The following ARFGEF1 variants were observed in gnomAD, a reference collection of about 807,000 sequenced individuals.
The protein encoded by ARFGEF1 is brefeldin A-inhibited guanine nucleotide-exchange protein 1.
ARFGEF1 carries 42 observed loss-of-function variants against 231.0 expected under a neutral mutation model. That is an observed-to-expected ratio of 0.18 (90% confidence interval 0.14 to 0.24). The LOEUF (loss-of-function observed/expected upper bound fraction) is 0.24, where lower values mean the gene tolerates loss of function less well. Ranked by LOEUF, ARFGEF1 falls within the 10% of genes least tolerant of loss-of-function variation. ARFGEF1 has a pLI of 1.00. For missense variants in ARFGEF1, 1,345 were observed against 2,192.0 expected (o/e 0.61, Z 7.72); for synonymous variants, 710 against 732.3 (o/e 0.97, Z 0.49).
chr8:67,339,805 G>GGGGGGGGGGGGGGC (rs79194289), intron 1 of ARFGEF1, among the ~76,000 whole-genome samples: 1 of 92,686 alleles, frequency 1.1e-5, no homozygotes, highest in African/African-American at 4.0e-5. Context: ...CGGGGGGGGG[G>GGGGGGGGGGGGGGC]ATTCTTTCTT....
downstream of ARFGEF1, chr8:67,195,632 GAAAGGAAT>G: frequency 6.4e-7 from 1 of 1,558,000 alleles, no homozygotes; most frequent in Non-Finnish European, 8.8e-7. Context: ...CTTTTAAGGT[GAAAGGAAT>G]GGTAAATCTG....
intron 19 of ARFGEF1, among the ~76,000 whole-genome samples, chr8:67,247,165 T>C (rs1186027756): frequency 2.0e-5 from 3 of 150,062 alleles, no homozygotes; most frequent in Non-Finnish European, 4.4e-5. Flanking sequence ...CTACCAAACA[T>C]GTAAAGAACT....
chr8:67,339,331 CTTA>C (rs532919054), intron 1 of ARFGEF1, among the ~76,000 whole-genome samples: 162 of 152,258 alleles, frequency 1.1e-3, no homozygotes, highest in African/African-American at 3.6e-3. Context: ...CTTTTTCACT[CTTA>C]TTGTGTATCA....
chr8:67,316,350 G>GAATTTATAAC (rs1399522951), intron 1 of ARFGEF1, among the ~76,000 whole-genome samples: 1 of 152,092 alleles, frequency 6.6e-6, no homozygotes. Flanking sequence ...GTTTATAAAA[G>GAATTTATAAC]AATTTATAAC....
At chr8:67,201,144 G>A (rs773401822) in intron 37 of ARFGEF1, among the ~76,000 whole-genome samples, 1 of 152,186 alleles carries the variant, frequency 6.6e-6, no homozygotes, top group Non-Finnish European at 1.5e-5. Flanking sequence ...CGAAGTAAAT[G>A]CAGGCAGGCA....
intron 14 of ARFGEF1, 87 bp from the exon 15 acceptor site, chr8:67,260,013 G>C: frequency 1.3e-6 from 1 of 778,474 alleles, no homozygotes; most frequent in Non-Finnish European, 2.1e-6. Flanking sequence ...TTTTCTAATA[G>C]CACCCAGAAA....
Position 67,343,343 on chromosome 8 carries a change from G to GGGA in ARFGEF1, c.-59_-57dup, listed in dbSNP as rs1393703386. The GGGA allele has an allele frequency of 4.4e-6, 7 of 1,601,236 alleles. No homozygotes were observed. In the Admixed American group the frequency reaches 8.4e-5, roughly 19 times the overall value. The stretch of plus-strand genomic sequence containing the variant: ...GACCCGCGGCTCCCAGCGGCTGGAG[G>GGGA]GGAGGAGGAGGAGAGGAAGGAAGAG... On this transcript the variant is annotated 5_prime_UTR_variant, in exon 1 of 39. Transcript: ENST00000262215.
intron 23 of ARFGEF1, 144 bp from the exon 24 acceptor site, chr8:67,228,408 T>G: frequency 1.4e-6 from 1 of 702,468 alleles, no homozygotes; most frequent in Non-Finnish European, 2.3e-6. Flanking sequence ...TTTCATCATT[T>G]AGTTTAGTAA....
intron 20 of ARFGEF1, among the ~76,000 whole-genome samples, chr8:67,239,958 G>A (rs556048284): frequency 3.9e-5 from 6 of 152,258 alleles, no homozygotes; most frequent in Admixed American, 6.5e-5. Flanking sequence ...AAGTTATAAT[G>A]ATAAACTTAG....
At chr8:67,235,619 C>G (rs575572514) in intron 22 of ARFGEF1, among the ~76,000 whole-genome samples, 1 of 151,884 alleles carries the variant, frequency 6.6e-6, no homozygotes, top group Non-Finnish European at 1.5e-5. Context: ...ACCTGAAGCC[C>G]GGAGTTTGAA....
At chr8:67,221,553 T>C (rs1343570386) in intron 29 of ARFGEF1, among the ~76,000 whole-genome samples, 2 of 152,136 alleles carry the variant, frequency 1.3e-5, no homozygotes, top group Admixed American at 6.5e-5. Flanking sequence ...AGCTGTACAA[T>C]GTGTTTTAAG....
intron 1 of ARFGEF1, among the ~76,000 whole-genome samples, chr8:67,325,238 T>A (rs966555010): frequency 6.6e-6 from 1 of 151,538 alleles, no homozygotes; most frequent in African/African-American, 2.4e-5. Context: ...TTTTTTTTTT[T>A]AACAGAAAAT....
At chr8:67,203,941 A>T (rs1467226369) in intron 35 of ARFGEF1, among the ~76,000 whole-genome samples, 1 of 152,078 alleles carries the variant, frequency 6.6e-6, no homozygotes, top group Non-Finnish European at 1.5e-5. Flanking sequence ...CCCACTCTGT[A>T]TGAGGTACTA....
chr8:67,272,366 C>T (rs1247531740), intron 9 of ARFGEF1, among the ~76,000 whole-genome samples: 5 of 151,992 alleles, frequency 3.3e-5, no homozygotes, highest in Non-Finnish European at 7.4e-5. Context: ...TGGGGTTTCA[C>T]GGTGTTAGTC....
At chr8:67,260,281 A>C (rs1804558854) in intron 14 of ARFGEF1, among the ~76,000 whole-genome samples, 1 of 152,198 alleles carries the variant, frequency 6.6e-6, no homozygotes, top group Admixed American at 6.5e-5. Context: ...AATACTAAAT[A>C]TTTCATACAG....
intron 2 of ARFGEF1, among the ~76,000 whole-genome samples, chr8:67,301,892 T>G (rs138356128): frequency 0.013 from 1,976 of 152,340 alleles, 17 homozygotes; most frequent in Middle Eastern, 0.031. Flanking sequence ...CTTATTTATA[T>G]GAGAATCTTT....
chr8:67,276,180 G>C, intron 8 of ARFGEF1, 71 bp from the exon 9 acceptor site: 9 of 1,528,132 alleles, frequency 5.9e-6, no homozygotes, highest in Non-Finnish European at 6.3e-6. Context: ...GCCTTCTACT[G>C]TATTTCATTC....
At chr8:67,273,683 T>C (rs1357655849) in intron 9 of ARFGEF1, among the ~76,000 whole-genome samples, 2 of 152,110 alleles carry the variant, frequency 1.3e-5, no homozygotes, top group African/African-American at 4.8e-5. Context: ...GTTTCTAAGA[T>C]GGCCATTGTG....
At chr8:67,317,919 T>C (rs1200958777) in intron 1 of ARFGEF1, among the ~76,000 whole-genome samples, 7 of 129,936 alleles carry the variant, frequency 5.4e-5, no homozygotes, top group Admixed American at 4.7e-4. Context: ...AAAAAAAAAG[T>C]CAACCCCTGT....
Sources: allele counts gnomAD v4.1 joint callset (sites outside exome capture counted in the v4.1 genomes callset), GRCh38; gene constraint gnomAD v4.1.1; transcripts MANE v1.5; gene names NCBI Gene and HGNC (gene_info 2026-07-23, HGNC 2026-07-21).